The following PRIMPOL variants were observed in gnomAD, a reference collection of about 807,000 sequenced individuals.
PRIMPOL encodes the protein DNA-directed primase/polymerase protein.
A neutral mutation model predicts 63.6 loss-of-function variants in PRIMPOL; 54 were observed. The observed-to-expected ratio is 0.85, with a 90% CI of 0.68 to 1.07. PRIMPOL has a LOEUF of 1.07. PRIMPOL is among the 50% of genes least tolerant of loss of function. The pLI, the probability that PRIMPOL is intolerant of heterozygous loss-of-function variation, is 0.00. For synonymous variants in PRIMPOL, 197 were observed against 220.2 expected, an observed-to-expected ratio of 0.89 and a Z score of 0.93; for missense variants, 610 against 648.3, an observed-to-expected ratio of 0.94 and a Z score of 0.64.
In PRIMPOL at chr4:184,671,071, G is replaced by A. The variant is rs150624460; in HGVS notation, c.557-1102G>A. The stretch of plus-strand genomic sequence containing the variant: ...TAGCCAAATTATTTGATTTCATGGT[G>A]TAAATAATATGTCTGAGTTTGAAGA... On this transcript the variant is annotated intron_variant, in intron 6 of 13. Coordinates refer to ENST00000314970, the MANE Select transcript of PRIMPOL (RefSeq NM_152683.4). Among the ~76,000 whole-genome samples the A allele has an allele frequency of 3.9e-5, 6 of 152,298 alleles. No homozygotes were observed. In the East Asian group the frequency reaches 7.7e-4, roughly 20 times the overall value.
intron 11 of PRIMPOL, among the ~76,000 whole-genome samples, chr4:184,688,036 C>A (rs79865543): frequency 6.6e-6 from 1 of 152,318 alleles, no homozygotes; most frequent in Admixed American, 6.5e-5. Context: ...ATTTGTGTCA[C>A]TATTGTGCAG....
At chr4:184,659,256 T>A in intron 3 of PRIMPOL, 84 bp from the exon 4 acceptor site, 3 of 984,268 alleles carry the variant, frequency 3.0e-6, no homozygotes, top group Non-Finnish European at 4.8e-6. Context: ...GAATGAAAAA[T>A]TCTTTATGAA....
chr4:184,687,460 C>A lies in PRIMPOL; in HGVS notation c.1295+1776C>A, dbSNP rs74986580. Among the ~76,000 whole-genome samples the A allele has an allele frequency of 7.2e-3, 1,101 of 152,292 alleles. 15 individuals carry two copies. The highest frequency in any genetic ancestry group is 0.025 in the African/African-American group (1,044 of 41,556). On this transcript the variant is annotated intron_variant, in intron 11 of 13. Transcript: ENST00000314970. Reference sequence around the variant, plus strand: ...CCTTAACAACCAGAAGCTGATCAAACCTCAGAAGCACCTGTGGGCCCAACC... The same window carrying A: ...CCTTAACAACCAGAAGCTGATCAAAACTCAGAAGCACCTGTGGGCCCAACC...
In PRIMPOL at chr4:184,666,081, T is replaced by C; in HGVS notation, c.556+17T>C. ...TTCATGTTGGTAAGTACACGGCTTT[T>C]TAAAAATCATGGAGTTGTATTCAAA... is the stretch of plus-strand genomic sequence containing the variant. On this transcript the variant is annotated intron_variant, in intron 6 of 13. Coordinates refer to ENST00000314970, the MANE Select transcript of PRIMPOL (RefSeq NM_152683.4). The C allele has an allele frequency of 6.4e-7, 1 of 1,567,236 alleles. No homozygotes were observed. The highest frequency in any genetic ancestry group is 8.6e-7 in the Non-Finnish European group (1 of 1,157,240).
intron 9 of PRIMPOL, among the ~76,000 whole-genome samples, chr4:184,682,811 A>G (rs1454792155): frequency 1.3e-5 from 2 of 152,058 alleles, no homozygotes; most frequent in Non-Finnish European, 2.9e-5. Context: ...GCACTTTGGG[A>G]GGCTGAGGCG....
rs33982215 is a variant in PRIMPOL, at chr4:184,658,072, C to CT, written c.180+764dup. Among the ~76,000 whole-genome samples the CT allele has an allele frequency of 1.2e-3, 164 of 137,974 alleles. 1 individual carries two copies. The highest frequency in any genetic ancestry group is 3.1e-3 in the African/African-American group (106 of 34,702). 90.5% of individuals were successfully genotyped at this position (137,974 alleles called of 152,430 possible). A position where few individuals can be genotyped will look rare whatever the true frequency, so the allele number is the denominator to read the frequency against. ...AAGCAACAGATGTGTATTGCACATT[C>CT]TTTTTTTTTTTTGGGGCACTGTGGG... On this transcript the variant is annotated intron_variant, in intron 3 of 13. Coordinates refer to ENST00000314970, the MANE Select transcript of PRIMPOL (RefSeq NM_152683.4).
chr4:184,665,364 G>A (rs973622471), intron 5 of PRIMPOL, among the ~76,000 whole-genome samples: 4 of 152,146 alleles, frequency 2.6e-5, no homozygotes, highest in African/African-American at 9.7e-5. Context: ...CCCCGTGCTT[G>A]CTGCCTTTCT....
At position 184,678,525 on chromosome 4, in the gene PRIMPOL, C is replaced by CTT. The variant is rs767532493; in HGVS notation, c.1007+150_1007+151dup. 6.6e-3 allele frequency: 2,223 copies of CTT among 337,210 alleles called. 1 individual carries two copies. The highest frequency in any genetic ancestry group is 7.6e-3 in the Non-Finnish European group (1,485 of 194,730). The allele number at this position is 337,210 out of a possible 1,614,324, so 20.9% of individuals were successfully genotyped here. A position where few individuals can be genotyped will look rare whatever the true frequency, so the allele number is the denominator to read the frequency against. On this transcript the variant is annotated intron_variant, in intron 8 of 13. Transcript: ENST00000314970. ...TAAGAAAATGTCAGTTCTTACAGCTCTTTTTTTTTTTTTTTTTTTTGATAC... is the reference window on the plus strand; with the variant it reads ...TAAGAAAATGTCAGTTCTTACAGCTCTTTTTTTTTTTTTTTTTTTTTTGATAC...
chr4:184,661,731 G>C (rs1748373760), intron 4 of PRIMPOL, 43 bp from the exon 5 acceptor site: 1 of 1,311,086 alleles, frequency 7.6e-7, no homozygotes, highest in African/African-American at 1.5e-5. Flanking sequence ...AATCAATAAA[G>C]GTATAATATA....
At chr4:184,657,766 G>A (rs1746875197) in intron 3 of PRIMPOL, 1 of 154,288 alleles carries the variant, frequency 6.5e-6, no homozygotes, top group African/African-American at 2.4e-5. Flanking sequence ...GGCCGAGACG[G>A]GTGGATCACC....
intron 6 of PRIMPOL, among the ~76,000 whole-genome samples, chr4:184,666,877 A>G (rs1433267973): frequency 6.6e-6 from 1 of 152,224 alleles, no homozygotes; most frequent in Admixed American, 6.5e-5. Flanking sequence ...CAGGTGTAAA[A>G]CAAAGTCAGT....
Position 184,694,833 on chromosome 4 carries a change from G to A in PRIMPOL, c.*54G>A. On this transcript the variant is annotated 3_prime_UTR_variant, in exon 14 of 14. Transcript: ENST00000314970. ...AGGCTATAATTTGCCTGATGTCTGT[G>A]AGATTTGATAAATATATCATTCAAC... 7.0e-7 allele frequency: 1 copy of A among 1,421,662 alleles called. No individual in the cohort carries two copies. The highest frequency in any genetic ancestry group is 9.8e-7 in the Non-Finnish European group (1 of 1,022,020). 88.1% of individuals were successfully genotyped at this position (1,421,662 alleles called of 1,614,324 possible).
At chr4:184,691,126 ATCC>A (rs10601954) in intron 11 of PRIMPOL, among the ~76,000 whole-genome samples, 9,850 of 152,118 alleles carry the variant, frequency 0.065, 1,015 homozygotes, top group African/African-American at 0.22. Context: ...TTTTGTGGTT[ATCC>A]TTTGATCTAT....
intron 11 of PRIMPOL, among the ~76,000 whole-genome samples, chr4:184,686,736 G>A (rs1401132760): frequency 6.6e-6 from 1 of 152,016 alleles, no homozygotes; most frequent in Non-Finnish European, 1.5e-5. Context: ...GGGAATGATC[G>A]GGAAGCTCTT....
intron 6 of PRIMPOL, among the ~76,000 whole-genome samples, chr4:184,666,820 G>GT (rs1304086267): frequency 1.3e-5 from 2 of 152,360 alleles, no homozygotes; most frequent in South Asian, 4.1e-4. Flanking sequence ...AATTCTAGAT[G>GT]TACGAGTCTG....
At chr4:184,664,233 T>C (rs903413299) in intron 5 of PRIMPOL, among the ~76,000 whole-genome samples, 2 of 152,248 alleles carry the variant, frequency 1.3e-5, no homozygotes, top group Admixed American at 1.3e-4. Context: ...GCTCCGAAAG[T>C]ACAGAAGTCG....
At chr4:184,656,217 G>A (rs886116376) in intron 2 of PRIMPOL, among the ~76,000 whole-genome samples, 14 of 152,202 alleles carry the variant, frequency 9.2e-5, no homozygotes, top group African/African-American at 3.4e-4. Context: ...AAAGGCACTC[G>A]TTAAACCTCT....
At chr4:184,677,724 AG>A (rs1431895660) in intron 7 of PRIMPOL, among the ~76,000 whole-genome samples, 3 of 152,210 alleles carry the variant, frequency 2.0e-5, no homozygotes, top group Non-Finnish European at 4.4e-5. Context: ...TAGATCACCT[AG>A]GGGAGAACTG....
chr4:184,682,342 T>G lies in PRIMPOL; in HGVS notation c.1096+6T>G. 1 of 1,480,878 alleles carries G rather than the reference T, an allele frequency of 6.8e-7. No individual in the cohort carries two copies. Among genetic ancestry groups the G allele is most frequent in the Non-Finnish European group, 9.4e-7 (1 of 1,060,312 alleles). The allele number at this position is 1,480,878 out of a possible 1,614,324, so 91.7% of individuals were successfully genotyped here. ...TAACAGTATCGGCACTTCAGGTAAA[T>G]TTTTTGATGTTTGTTTTTCTTTTTG... On this transcript the variant is annotated splice_donor_region_variant and intron_variant, in intron 9 of 13. Coordinates refer to ENST00000314970, the MANE Select transcript of PRIMPOL (RefSeq NM_152683.4).
Sources: allele counts gnomAD v4.1 joint callset (sites outside exome capture counted in the v4.1 genomes callset), GRCh38; gene constraint gnomAD v4.1.1; transcripts MANE v1.5; gene names NCBI Gene and HGNC (gene_info 2026-07-23, HGNC 2026-07-21).